Variants in SORCS2 observed in about 807,000 individuals in gnomAD.
The protein encoded by SORCS2 is sortilin related VPS10 domain containing receptor 2.
SORCS2 carries 100 observed loss-of-function variants against 141.6 expected under a neutral mutation model. That is an observed-to-expected ratio of 0.71 (90% CI 0.60 to 0.83). The LOEUF (loss-of-function observed/expected upper bound fraction) is 0.83. SORCS2 is among the 40% of genes least tolerant of loss of function. The pLI is 0.00. For synonymous variants in SORCS2, 789 were observed against 676.9 expected, an observed-to-expected ratio of 1.17 and a Z score of -2.57; for missense variants, 1,646 against 1,560.2, an observed-to-expected ratio of 1.05 and a Z score of -0.93.
chr4:7,454,215 G>A (rs1436663630), intron 2 of SORCS2, among the ~76,000 whole-genome samples: 5 of 131,166 alleles, frequency 3.8e-5, no homozygotes, highest in South Asian at 2.8e-4. Context: ...TTGGGGTCAG[G>A]TGCTGTGTGT....
At chr4:7,311,635 G>A (rs999983251) in intron 1 of SORCS2, among the ~76,000 whole-genome samples, 7 of 152,124 alleles carry the variant, frequency 4.6e-5, no homozygotes, top group African/African-American at 1.2e-4. Context: ...TTGCATTTCC[G>A]TGATGATGAA....
intron 1 of SORCS2, among the ~76,000 whole-genome samples, chr4:7,386,702 G>C (rs1239246393): frequency 7.1e-6 from 1 of 140,668 alleles, no homozygotes; most frequent in African/African-American, 2.7e-5. Flanking sequence ...TGCACACACA[G>C]ATACAGAGAT....
chr4:7,280,029 G>A (rs1165380261), intron 1 of SORCS2, among the ~76,000 whole-genome samples: 2 of 152,084 alleles, frequency 1.3e-5, no homozygotes, highest in Non-Finnish European at 2.9e-5. Flanking sequence ...AAATGGTGTC[G>A]GCTGCAGCTT....
intron 2 of SORCS2, among the ~76,000 whole-genome samples, chr4:7,451,623 G>A (rs1031557692): frequency 6.6e-6 from 1 of 152,276 alleles, no homozygotes; most frequent in African/African-American, 2.4e-5. Flanking sequence ...AGCCTTAGTG[G>A]CATGCAGTCT....
chr4:7,439,975 C>T (rs1482539035), intron 2 of SORCS2, among the ~76,000 whole-genome samples: 1 of 152,216 alleles, frequency 6.6e-6, no homozygotes, highest in Non-Finnish European at 1.5e-5. Flanking sequence ...TGCTGTCAAC[C>T]ACCCATGTTG....
intron 1 of SORCS2, among the ~76,000 whole-genome samples, chr4:7,367,623 T>C (rs1721981642): frequency 6.6e-6 from 1 of 152,198 alleles, no homozygotes; most frequent in East Asian, 1.9e-4. Context: ...TCTGCATCAG[T>C]AGGATTTGCC....
chr4:7,350,144 T>A (rs1047632201), intron 1 of SORCS2, among the ~76,000 whole-genome samples: 1 of 152,198 alleles, frequency 6.6e-6, no homozygotes, highest in African/African-American at 2.4e-5. Flanking sequence ...GACTCTTGTT[T>A]TAAAAAGCAC....
intron 1 of SORCS2, among the ~76,000 whole-genome samples, chr4:7,336,081 G>A (rs1719965783): frequency 2.0e-5 from 3 of 152,226 alleles, no homozygotes; most frequent in Non-Finnish European, 4.4e-5. Context: ...CTCCTGGAGT[G>A]TCAGGTGACA....
At chr4:7,465,087 C>T (rs931205142) in intron 2 of SORCS2, among the ~76,000 whole-genome samples, 1 of 152,196 alleles carries the variant, frequency 6.6e-6, no homozygotes, top group Admixed American at 6.5e-5. Context: ...GAAGTGAGGA[C>T]AGTATTAGCT....
In SORCS2 at chr4:7,233,391, C is replaced by T. The variant is rs1712042138; in HGVS notation, c.480+40265C>T. ...CCTGCTCCAGGGCAGACGTAGCCCT[C>T]ATCACGTCCTCCACAGCCTCCACAG... On this transcript the variant is annotated intron_variant, in intron 1 of 26. Coordinates refer to ENST00000507866, the MANE Select transcript of SORCS2 (RefSeq NM_020777.3). This position sits in a 1 kb window ranked among gnomAD's most constrained non-coding sequence, Gnocchi z 4.5. 6.6e-6 allele frequency among the ~76,000 whole-genome samples: 1 copy of T among 152,156 alleles called. No individual in the cohort carries two copies. The highest frequency in any genetic ancestry group is 1.5e-5 in the Non-Finnish European group (1 of 68,028).
intron 19 of SORCS2, among the ~76,000 whole-genome samples, 171 bp from the exon 20 acceptor site, chr4:7,724,983 A>G (rs1188783865): frequency 2.0e-5 from 2 of 99,094 alleles, no homozygotes; most frequent in African/African-American, 4.5e-5. Context: ...GTTGGTGGGA[A>G]TGGATGGTGG....
intron 14 of SORCS2, among the ~76,000 whole-genome samples, chr4:7,708,311 TC>T (rs1389804375): frequency 5.9e-5 from 9 of 152,208 alleles, no homozygotes; most frequent in Middle Eastern, 3.4e-3. Flanking sequence ...CGGCTGGCCT[TC>T]CCAGGCCATG....
intron 1 of SORCS2, among the ~76,000 whole-genome samples, chr4:7,304,999 G>T (rs1331445327): frequency 2.6e-5 from 4 of 151,830 alleles, no homozygotes; most frequent in Admixed American, 6.6e-5. Context: ...CGGCTCCAGA[G>T]TCGTTCCTTA....
At chr4:7,440,711 T>C (rs1727608044) in intron 2 of SORCS2, among the ~76,000 whole-genome samples, 1 of 152,154 alleles carries the variant, frequency 6.6e-6, no homozygotes, top group African/African-American at 2.4e-5. Flanking sequence ...TCATGCTGCC[T>C]CTCCTCCCCT....
intron 3 of SORCS2, among the ~76,000 whole-genome samples, chr4:7,589,369 A>G (rs1364612130): frequency 6.7e-6 from 1 of 149,762 alleles, no homozygotes; most frequent in Non-Finnish European, 1.5e-5. Flanking sequence ...CTTTATAGGC[A>G]TGCCCTCTTG....
intron 10 of SORCS2, among the ~76,000 whole-genome samples, chr4:7,687,390 C>G (rs1349926692): frequency 9.2e-5 from 14 of 152,176 alleles, no homozygotes; most frequent in Admixed American, 8.5e-4. Flanking sequence ...GCCAGCAAGT[C>G]TATTCACTCG....
intron 3 of SORCS2, among the ~76,000 whole-genome samples, chr4:7,578,110 C>G (rs985621264): frequency 1.3e-5 from 2 of 152,202 alleles, no homozygotes; most frequent in African/African-American, 4.8e-5. Flanking sequence ...TTAATGTCCT[C>G]TCAGGATTGA....
intron 1 of SORCS2, among the ~76,000 whole-genome samples, chr4:7,267,157 C>A (rs1218738618): frequency 7.1e-6 from 1 of 140,164 alleles, no homozygotes; most frequent in African/African-American, 2.9e-5. Flanking sequence ...CTATGACCAC[C>A]AGGGACGGGA....
chr4:7,377,002 A>G (rs1722699166), intron 1 of SORCS2, among the ~76,000 whole-genome samples: 1 of 152,070 alleles, frequency 6.6e-6, no homozygotes, highest in South Asian at 2.1e-4. Flanking sequence ...GGGCTGTGAA[A>G]GTGGTTTGTG....
Sources: gnomAD v4.1 joint callset for allele counts (sites outside exome capture counted in the v4.1 genomes callset) on GRCh38, gnomAD v4.1.1 for gene constraint, Gnocchi (gnomAD v3.1) non-coding constraint, MANE v1.5 for transcripts, NCBI Gene and HGNC (gene_info 2026-07-23, HGNC 2026-07-21) for gene names.